The following TNS1 variants were observed in gnomAD, a reference collection of about 807,000 sequenced individuals.
TNS1 encodes the protein tensin-1.
A neutral mutation model predicts 168.6 loss-of-function variants in TNS1; 62 were observed. The observed-to-expected ratio is 0.37, with a 90% confidence interval of 0.30 to 0.45. The LOEUF (loss-of-function observed/expected upper bound fraction) is 0.45. TNS1 is among the 20% of genes least tolerant of loss of function. The probability of loss-of-function intolerance (pLI) is 1.00; values close to 1 mark genes in which losing one functional copy is unlikely to be tolerated. For missense variants in TNS1, 2,240 were observed against 2,339.4 expected (o/e 0.96, Z 0.88); for synonymous variants, 934 against 933.2 (o/e 1.00, Z -0.02).
At chr2:217,823,482 T>C (rs1943179974) in intron 22 of TNS1, among the ~76,000 whole-genome samples, 1 of 152,212 alleles carries the variant, frequency 6.6e-6, no homozygotes, top group Admixed American at 6.5e-5. Flanking sequence ...AGCAGGGTGC[T>C]TCCAGCCTTT....
chr2:217,890,908 A>G (rs754030016), intron 12 of TNS1, 54 bp downstream of exon 12: 112 of 1,579,922 alleles, frequency 7.1e-5, no homozygotes, highest in Non-Finnish European at 9.5e-5. Context: ...TCTAGTCCCC[A>G]CATAGAGTGA....
At chr2:218,013,585 C>A (rs1958729059), upstream of TNS1, among the ~76,000 whole-genome samples, 1 of 152,036 alleles carries the variant, frequency 6.6e-6, no homozygotes, top group South Asian at 2.1e-4. Context: ...ACCATCCTCC[C>A]AGGTTAACCT....
chr2:217,839,845 C>T (rs534195072), intron 19 of TNS1, among the ~76,000 whole-genome samples: 1 of 152,340 alleles, frequency 6.6e-6, no homozygotes, highest in African/African-American at 2.4e-5. Context: ...ATGCCTGGGG[C>T]TCCAGAAGCG....
chr2:217,962,587 T>C (rs779194762), intron 3 of TNS1, among the ~76,000 whole-genome samples: 4 of 152,214 alleles, frequency 2.6e-5, no homozygotes, highest in Non-Finnish European at 5.9e-5. Flanking sequence ...GTGTCCATAC[T>C]GACAAATAAA....
At chr2:217,903,741 C>G in intron 6 of TNS1, 1 of 784,248 alleles carries the variant, frequency 1.3e-6, no homozygotes, top group South Asian at 1.7e-5. Context: ...GCTGCAGATT[C>G]AGCCAACTCT....
At chr2:218,001,093 T>A (rs1958554686) in intron 1 of TNS1, among the ~76,000 whole-genome samples, 1 of 151,718 alleles carries the variant, frequency 6.6e-6, no homozygotes, top group African/African-American at 2.4e-5. Flanking sequence ...GTAGAGGTTA[T>A]AGTGAGCCAA....
chr2:217,890,546 GGT>G (rs1176227528), intron 12 of TNS1: 2 of 181,058 alleles, frequency 1.1e-5, no homozygotes, highest in African/African-American at 4.7e-5. Context: ...CCCAACAGAA[GGT>G]GACCCTTATC....
intron 1 of TNS1, among the ~76,000 whole-genome samples, chr2:218,008,691 C>T (rs1468620278): frequency 6.6e-6 from 1 of 152,222 alleles, no homozygotes; most frequent in Non-Finnish European, 1.5e-5. Flanking sequence ...GAGAGGGAAA[C>T]TGAAGCTCAG....
Position 217,986,627 on chromosome 2 carries a change from G to A in TNS1, c.148+4315C>T, listed in dbSNP as rs1958199012. The A allele has an allele frequency of 6.6e-6, 1 of 152,136 alleles. No homozygotes were observed. Among genetic ancestry groups the A allele is most frequent in the East Asian group, 1.9e-4 (1 of 5,198 alleles). 9.4% of individuals were successfully genotyped at this position (152,136 alleles called of 1,614,324 possible). On this transcript the variant is annotated intron_variant, in intron 2 of 32. Coordinates refer to ENST00000682258, the MANE Select transcript of TNS1 (RefSeq NM_001387777.1). This position sits in a 1 kb window ranked among gnomAD's most constrained non-coding sequence, Gnocchi z 4.7. The stretch of plus-strand genomic sequence containing the variant: ...AGACCTGTGGGAAGCCGACTATTTG[G>A]ACTGAGGAACTCCTACACATCCCTC...
intron 6 of TNS1, chr2:217,902,077 G>C (rs868127992): frequency 2.0e-5 from 3 of 152,210 alleles, no homozygotes; most frequent in Non-Finnish European, 2.9e-5. Flanking sequence ...AGTCAAGCTT[G>C]GGGGTGGGGG....
chr2:217,998,885 T>C, intron 1 of TNS1, among the ~76,000 whole-genome samples: 1 of 152,164 alleles, frequency 6.6e-6, no homozygotes, highest in East Asian at 1.9e-4. Context: ...TAGGTCCCCC[T>C]TACATCCCCC....
chr2:217,885,188 C>T, intron 15 of TNS1, 24 bp from the exon 16 acceptor site: 2 of 1,613,946 alleles, frequency 1.2e-6, no homozygotes, highest in Non-Finnish European at 1.7e-6. Context: ...CGGGCAGAAC[C>T]AGTCAGGGGC....
At chr2:217,927,521 G>A (rs1424614781) in intron 3 of TNS1, among the ~76,000 whole-genome samples, 23 of 152,180 alleles carry the variant, frequency 1.5e-4, no homozygotes, top group Admixed American at 1.5e-3. Flanking sequence ...TAGGGTCTGG[G>A]GGAGCTGAAG....
In TNS1 at chr2:217,894,200, G is replaced by C. The variant is rs370480777; in HGVS notation, c.595-639C>G. ...AAAGAGAACTCTGCAAGGACCCATA[G>C]AGCACACCTAATCCAGCCAGGCCAC... On this transcript the variant is annotated intron_variant, in intron 9 of 32. Coordinates refer to ENST00000682258, the MANE Select transcript of TNS1 (RefSeq NM_001387777.1). Among the ~76,000 whole-genome samples, 8 of 152,262 alleles carry C rather than the reference G, an allele frequency of 5.3e-5. No individual in the cohort carries two copies. In the East Asian group the frequency reaches 1.4e-3, roughly 26 times the overall value.
chr2:217,912,446 C>T (rs1954532005), intron 4 of TNS1, among the ~76,000 whole-genome samples: 1 of 127,056 alleles, frequency 7.9e-6, no homozygotes. Context: ...ATCTGGGGGG[C>T]TTGGGGGCCA....
At chr2:217,901,336 T>C (rs1952949629) in intron 6 of TNS1, among the ~76,000 whole-genome samples, 1 of 152,170 alleles carries the variant, frequency 6.6e-6, no homozygotes. Context: ...AGGCTGGCAG[T>C]GAGGATCCAA....
intron 21 of TNS1, 84 bp downstream of exon 21, chr2:217,835,007 A>T: frequency 7.9e-7 from 1 of 1,265,564 alleles, no homozygotes; most frequent in South Asian, 1.6e-5. Context: ...CCCAACCCTC[A>T]GGCCTGGGGC....
At chr2:217,832,084 G>A (rs927586082) in intron 21 of TNS1, among the ~76,000 whole-genome samples, 12 of 152,170 alleles carry the variant, frequency 7.9e-5, no homozygotes, top group Non-Finnish European at 1.8e-4. Context: ...AGGAGATAAT[G>A]GGCCAGAGCC....
rs1941258464 is a variant in TNS1 at position 217,813,069 on chromosome 2, T to G, written c.4954+146A>C. 1.5e-6 allele frequency: 1 copy of G among 645,450 alleles called. No homozygotes were observed. The highest frequency in any genetic ancestry group is 2.8e-6 in the Non-Finnish European group (1 of 360,062). The allele number at this position is 645,450 out of a possible 1,614,324, so 40.0% of individuals were successfully genotyped here. On this transcript the variant is annotated intron_variant, in intron 27 of 32. Transcript: ENST00000682258. This position sits in a 1 kb window ranked among gnomAD's most constrained non-coding sequence, Gnocchi z 4.0. Reference sequence around the variant, plus strand: ...AGCCGCACTGCGGAGGGAGAGAAGCTTTCATTCATTTTCTCTGCTGAATTT... The same window carrying G: ...AGCCGCACTGCGGAGGGAGAGAAGCGTTCATTCATTTTCTCTGCTGAATTT...
Sources: allele counts gnomAD v4.1 joint callset (sites outside exome capture counted in the v4.1 genomes callset), GRCh38; gene constraint gnomAD v4.1.1; non-coding constraint Gnocchi (gnomAD v3.1); transcripts MANE v1.5; gene names NCBI Gene and HGNC (gene_info 2026-07-23, HGNC 2026-07-21).